The following PPM1M variants were observed in gnomAD, a reference collection of about 807,000 sequenced individuals.
The protein encoded by PPM1M is protein phosphatase, Mg2+/Mn2+ dependent 1M.
A neutral mutation model predicts 50.8 loss-of-function variants in PPM1M; 44 were observed. The ratio of observed to expected loss-of-function variants is 0.87; its 90% CI spans 0.68 to 1.11. PPM1M has a LOEUF of 1.11. Ranked by LOEUF, PPM1M falls within the 50% of genes most tolerant of loss-of-function variation. The probability of loss-of-function intolerance (pLI) is 0.00; values close to 1 mark genes in which losing one functional copy is unlikely to be tolerated. For synonymous variants in PPM1M, 224 were observed against 242.9 expected, an observed-to-expected ratio of 0.92 and a Z score of 0.72; for missense variants, 556 against 593.4, an observed-to-expected ratio of 0.94 and a Z score of 0.66.
chr3:52,245,873 C>A lies in PPM1M; in HGVS notation c.49C>A (p.Pro17Thr), dbSNP rs1209599673. 9.1e-7 allele frequency: 1 copy of A among 1,097,952 alleles called. No homozygotes were observed. The highest frequency in any genetic ancestry group is 1.1e-6 in the Non-Finnish European group (1 of 891,140). 68.0% of individuals were successfully genotyped at this position (1,097,952 alleles called of 1,614,324 possible). ...CCGCTTCCTGCCTGGGGAGCCGCTCCCCGCGCCGCGGCCGCCTGGGCCGCA... is the reference window on the plus strand; with the variant it reads ...CCGCTTCCTGCCTGGGGAGCCGCTCACCGCGCCGCGGCCGCCTGGGCCGCA... ...RRRFLPGEPL[P>T]APRPPGPHAS... Residue 17 changes from proline to threonine, a missense_variant, in exon 1 of 10, where the codon CCC (proline) becomes ACC (threonine). Physicochemically the swap from Pro to Thr is conservative, Grantham distance 38 (BLOSUM62 -1). Coordinates refer to ENST00000323588, the MANE Select transcript of PPM1M (RefSeq NM_144641.4). The surrounding 1 kb of genome is among the most constrained non-coding windows in gnomAD (Gnocchi z 4.8).
In PPM1M at chr3:52,249,851, C is replaced by A; in HGVS notation, c.*37C>A. ...CTGTATCCCAGAACTGCTCTAGTGC[C>A]CGGGTGTGGTCTGGGCATCCCTCCA... On this transcript the variant is annotated 3_prime_UTR_variant, in exon 10 of 10. Transcript: ENST00000323588. The A allele has an allele frequency of 6.3e-7, 1 of 1,589,674 alleles. No homozygotes were observed. The highest frequency in any genetic ancestry group is 8.6e-7 in the Non-Finnish European group (1 of 1,165,504).
At chr3:52,246,888 C>T (rs1165921885) in intron 2 of PPM1M, 76 bp downstream of exon 2, 7 of 1,509,830 alleles carry the variant, frequency 4.6e-6, no homozygotes, top group African/African-American at 4.2e-5. Context: ...AGGTTCTTAC[C>T]CTGCTGCCCC....
At chr3:52,249,381 T>C in intron 9 of PPM1M, 59 bp downstream of exon 9, 1 of 1,544,854 alleles carries the variant, frequency 6.5e-7, no homozygotes, top group Non-Finnish European at 8.8e-7. Context: ...CAAGCCCAAG[T>C]AGTTATGGCT....
Position 52,249,167 on chromosome 3 carries a change from T to A in PPM1M, c.1087-7T>A. 6.2e-7 allele frequency: 1 copy of A among 1,613,842 alleles called. No individual in the cohort carries two copies. Among genetic ancestry groups the A allele is most frequent in the Non-Finnish European group, 8.5e-7 (1 of 1,179,812 alleles). On this transcript the variant is annotated splice_region_variant and splice_polypyrimidine_tract_variant and intron_variant, in intron 8 of 9. Transcript: ENST00000323588. The stretch of plus-strand genomic sequence containing the variant: ...GAGTGTGCAGGATCCTCAGGCTTAA[T>A]TTGTAGGTGACTGTGCTGGATGTGG...
chr3:52,247,379 A>G, intron 3 of PPM1M, 151 bp downstream of exon 3: 1 of 1,132,544 alleles, frequency 8.8e-7, no homozygotes, highest in Non-Finnish European at 1.2e-6. Context: ...AACAGCCATC[A>G]CTATCAGCAT....
chr3:52,249,525 C>T, intron 9 of PPM1M, 145 bp from the exon 10 acceptor site: 1 of 1,336,426 alleles, frequency 7.5e-7, no homozygotes, highest in Non-Finnish European at 1.0e-6. Context: ...GCCCGTGGCC[C>T]TCCCAGACTT....
chr3:52,249,917 ACCGCC>A lies in PPM1M; in HGVS notation c.*105_*109del. 5 of 1,043,296 alleles carry A rather than the reference ACCGCC, an allele frequency of 4.8e-6. No individual in the cohort carries two copies. The highest frequency in any genetic ancestry group is 7.0e-6 in the Non-Finnish European group (5 of 710,076). The allele number at this position is 1,043,296 out of a possible 1,614,324, so 64.6% of individuals were successfully genotyped here. A position where few individuals can be genotyped will look rare whatever the true frequency, so the allele number is the denominator to read the frequency against. On this transcript the variant is annotated 3_prime_UTR_variant, in exon 10 of 10. Transcript: ENST00000323588. ...AATCCTGCCTGCCCTATCCCTAGCC[ACCGCC>A]CAGTGCTCTCACTATCCACCTCAAC...
intron 7 of PPM1M, 41 bp downstream of exon 7, chr3:52,248,741 A>T: frequency 3.8e-6 from 6 of 1,599,384 alleles, no homozygotes; most frequent in Non-Finnish European, 5.1e-6. Flanking sequence ...ATCCCTCTTC[A>T]TTGTCCCCTG....
intron 7 of PPM1M, 85 bp from the exon 8 acceptor site, chr3:52,248,867 TCTCC>T (rs1699911172): frequency 1.1e-5 from 14 of 1,254,608 alleles, no homozygotes; most frequent in Non-Finnish European, 1.5e-5. Context: ...ACAGTCCACC[TCTCC>T]CTGTGTGCTC....
Position 52,246,973 on chromosome 3 carries a change from G to A in PPM1M, c.343-1G>A, listed in dbSNP as rs752607045. 25 of 1,539,350 alleles carry A rather than the reference G, an allele frequency of 1.6e-5. No homozygotes were observed. Among genetic ancestry groups the A allele is most frequent in the Middle Eastern group, 1.8e-4 (1 of 5,692 alleles). ...GCTGACACTGAGCCCTTCCTGTGCAGTTCCTGACAGGCCATTACTGGGCAC... is the reference window on the plus strand; with the variant it reads ...GCTGACACTGAGCCCTTCCTGTGCAATTCCTGACAGGCCATTACTGGGCAC... On this transcript the variant is annotated splice_acceptor_variant, in intron 2 of 9. Transcript: ENST00000323588. LOFTEE classifies it high-confidence loss of function.
At chr3:52,246,119 A>G (rs1699852941) in intron 1 of PPM1M, 71 bp downstream of exon 1, 1 of 1,036,358 alleles carries the variant, frequency 9.6e-7, no homozygotes, top group Non-Finnish European at 1.2e-6. Context: ...GCCCGCCTAG[A>G]AAGCGGGAGG....
In PPM1M at chr3:52,249,811, C is replaced by T. The variant is rs371727495; in HGVS notation, c.1377C>T (p.His459=). The T allele has an allele frequency of 1.4e-5, 23 of 1,612,508 alleles. No individual in the cohort carries two copies. The highest frequency in any genetic ancestry group is 2.0e-5 in the Non-Finnish European group (23 of 1,179,286). The stretch of plus-strand genomic sequence containing the variant: ...GTCAGGGCCAAGAGAGCAGTGACCA[C>T]TGAGGATTCAGACACTGTATCCCAG... ...LHSQGQESSD[H] The change falls in exon 10 of 10, where the codon CAC becomes CAT. Residue 459 remains histidine, a synonymous_variant. Coordinates refer to ENST00000323588, the MANE Select transcript of PPM1M (RefSeq NM_144641.4).
In PPM1M at chr3:52,249,258, T is replaced by G; in HGVS notation, c.1171T>G (p.Ser391Ala). 6.2e-7 allele frequency: 1 copy of G among 1,613,794 alleles called. No homozygotes were observed. Among genetic ancestry groups the G allele is most frequent in the Non-Finnish European group, 8.5e-7 (1 of 1,179,816 alleles). ...MATDGLWDVL[S>A]NEQVAWLVRS... ...AACTGATGGACTCTGGGATGTACTG[T>G]CCAACGAGCAGGTGGCATGGCTGGT... The change falls in exon 9 of 10, where the codon TCC (serine) becomes GCC (alanine). Residue 391 changes from serine to alanine, a missense_variant. Transcript: ENST00000323588.
intron 6 of PPM1M, 31 bp from the exon 7 acceptor site, chr3:52,248,606 C>T (rs1699905815): frequency 6.2e-7 from 1 of 1,612,562 alleles, no homozygotes; most frequent in Non-Finnish European, 8.5e-7. Context: ...GGGCACAGGG[C>T]TTGGGTTGAT....
At chr3:52,246,407 G>A in intron 1 of PPM1M, 1 of 1,080,166 alleles carries the variant, frequency 9.3e-7, no homozygotes, top group South Asian at 1.9e-5. Flanking sequence ...TATGGGACAG[G>A]GCTTTGGGCT....
chr3:52,250,082 A>C lies in PPM1M; in HGVS notation c.*268A>C. On this transcript the variant is annotated 3_prime_UTR_variant, in exon 10 of 10. Coordinates refer to ENST00000323588, the MANE Select transcript of PPM1M (RefSeq NM_144641.4). ...AGTGACTTTACAACTTAACTAGGAA[A>C]CCCATGTGAGGCTCCTCAGACAGGA... 1 of 410,908 alleles carries C rather than the reference A, an allele frequency of 2.4e-6. No individual in the cohort carries two copies. The allele number at this position is 410,908 out of a possible 1,614,324, so 25.5% of individuals were successfully genotyped here. A position where few individuals can be genotyped will look rare whatever the true frequency, so the allele number is the denominator to read the frequency against.
intron 1 of PPM1M, 24 bp downstream of exon 1, chr3:52,246,072 A>C: frequency 9.2e-7 from 1 of 1,086,038 alleles, no homozygotes; most frequent in South Asian, 2.0e-5. Context: ...CCCGACCCCC[A>C]GCTCAGGCCC....
At position 52,246,957 on chromosome 3, in the gene PPM1M, G is replaced by A; in HGVS notation, c.343-17G>A. The A allele has an allele frequency of 6.5e-7, 1 of 1,531,328 alleles. No homozygotes were observed. Among genetic ancestry groups the A allele is most frequent in the Non-Finnish European group, 8.8e-7 (1 of 1,136,470 alleles). 94.9% of individuals were successfully genotyped at this position (1,531,328 alleles called of 1,614,324 possible). On this transcript the variant is annotated splice_polypyrimidine_tract_variant and intron_variant, in intron 2 of 9. Coordinates refer to ENST00000323588, the MANE Select transcript of PPM1M (RefSeq NM_144641.4). ...GGGAAGTCAGGCAGAGGCTGACACT[G>A]AGCCCTTCCTGTGCAGTTCCTGACA... is the stretch of plus-strand genomic sequence containing the variant.
intron 1 of PPM1M, 31 bp from the exon 2 acceptor site, chr3:52,246,664 T>C: frequency 7.8e-7 from 1 of 1,277,494 alleles, no homozygotes; most frequent in South Asian, 1.2e-5. Context: ...GGTGTGTCCC[T>C]GGAGGGTCGC....
Sources: gnomAD v4.1 joint callset for allele counts on GRCh38, gnomAD v4.1.1 for gene constraint, Gnocchi (gnomAD v3.1) non-coding constraint, MANE v1.5 for transcripts, NCBI Gene and HGNC (gene_info 2026-07-23, HGNC 2026-07-21) for gene names.